RIMKLB: variants seen among roughly 807,000 people sequenced by gnomAD.
The protein encoded by RIMKLB is beta-citrylglutamate synthase B.
RIMKLB carries 7 observed loss-of-function variants against 32.0 expected under a neutral mutation model. The ratio of observed to expected loss-of-function variants is 0.22; its 90% CI spans 0.12 to 0.41. The LOEUF (loss-of-function observed/expected upper bound fraction) is 0.41. Ranked by LOEUF, RIMKLB falls within the 10% of genes least tolerant of loss-of-function variation. The pLI is 1.00. For missense variants in RIMKLB, 289 were observed against 498.7 expected, an observed-to-expected ratio of 0.58 and a Z score of 4.00; for synonymous variants, 172 against 185.1, an observed-to-expected ratio of 0.93 and a Z score of 0.57.
chr12:8,715,308 T>TCTG (rs1288035172), intron 2 of RIMKLB, among the ~76,000 whole-genome samples: 1 of 146,500 alleles, frequency 6.8e-6, no homozygotes, highest in Non-Finnish European at 1.5e-5. Context: ...CACTGCAACC[T>TCTG]CTGCCTCCCA....
chr12:8,673,722 A>C, the RIMKLB span, among the ~76,000 whole-genome samples: 1 of 151,684 alleles, frequency 6.6e-6, no homozygotes, highest in South Asian at 2.1e-4. Context: ...TAGCCTCCCC[A>C]GTAGCTGGGA....
the RIMKLB span, among the ~76,000 whole-genome samples, chr12:8,671,117 G>A: frequency 6.6e-6 from 1 of 152,056 alleles, no homozygotes; most frequent in African/African-American, 2.4e-5. Flanking sequence ...GTGATGGGAG[G>A]GGCTGCCATG....
chr12:8,756,153 CAAA>C (rs1233371130), intron 5 of RIMKLB, among the ~76,000 whole-genome samples: 5 of 114,194 alleles, frequency 4.4e-5, no homozygotes, highest in African/African-American at 6.3e-5. Flanking sequence ...GACTCTGCCT[CAAA>C]AAAAAAAAAA....
At chr12:8,709,983 G>A (rs1223620657) in intron 1 of RIMKLB, among the ~76,000 whole-genome samples, 2 of 152,016 alleles carry the variant, frequency 1.3e-5, no homozygotes, top group Non-Finnish European at 2.9e-5. Context: ...GTAGAAAAAT[G>A]TGGTTTTTGT....
At chr12:8,710,047 C>T (rs765288115) in intron 1 of RIMKLB, among the ~76,000 whole-genome samples, 2 of 151,982 alleles carry the variant, frequency 1.3e-5, no homozygotes, top group African/African-American at 2.4e-5. Context: ...AGTCCAGTGG[C>T]ATCATCTGGG....
At chr12:8,723,563 CAAT>C (rs1412361528) in intron 2 of RIMKLB, among the ~76,000 whole-genome samples, 3 of 152,194 alleles carry the variant, frequency 2.0e-5, no homozygotes, top group East Asian at 1.9e-4. Context: ...GTAAAAAACA[CAAT>C]AACTGCAAAA....
At chr12:8,736,084 A>G (rs565312684) in intron 2 of RIMKLB, among the ~76,000 whole-genome samples, 8 of 152,114 alleles carry the variant, frequency 5.3e-5, no homozygotes, top group African/African-American at 1.4e-4. Context: ...AAGTTAACCA[A>G]TTTTGTTACA....
At chr12:8,714,807 AC>A (rs1453730814) in intron 2 of RIMKLB, among the ~76,000 whole-genome samples, 1 of 152,134 alleles carries the variant, frequency 6.6e-6, no homozygotes, top group East Asian at 1.9e-4. Context: ...ATATAAATGG[AC>A]TTTTTGACTG....
chr12:8,738,966 A>G (rs1330296812), intron 2 of RIMKLB, among the ~76,000 whole-genome samples: 5 of 152,344 alleles, frequency 3.3e-5, no homozygotes, highest in East Asian at 1.9e-4. Flanking sequence ...TTAGAGATCT[A>G]CCATACAGCT....
At chr12:8,695,376 T>G (rs1942857392), upstream of RIMKLB, among the ~76,000 whole-genome samples, 1 of 152,326 alleles carries the variant, frequency 6.6e-6, no homozygotes, top group Non-Finnish European at 1.5e-5. Flanking sequence ...CCATGAATTC[T>G]CAAAGATTAT....
In RIMKLB at chr12:8,777,124, A is replaced by G; in HGVS notation, c.*3340A>G. ...TTTATTTGTTTGTTTGTTCAATTTTATTTAAGATTTGTTTTTGTTGTACTA... is the reference window on the plus strand; with the variant it reads ...TTTATTTGTTTGTTTGTTCAATTTTGTTTAAGATTTGTTTTTGTTGTACTA... On this transcript the variant is annotated 3_prime_UTR_variant, in exon 6 of 6. Transcript: ENST00000535829. 2.0e-6 allele frequency: 2 copies of G among 979,532 alleles called. No homozygotes were observed. The highest frequency in any genetic ancestry group is 9.5e-5 in the South Asian group (2 of 21,118). 60.7% of individuals were successfully genotyped at this position (979,532 alleles called of 1,614,324 possible). A position where few individuals can be genotyped will look rare whatever the true frequency, so the allele number is the denominator to read the frequency against.
upstream of RIMKLB, among the ~76,000 whole-genome samples, chr12:8,678,597 G>C (rs1260175002): frequency 6.6e-6 from 1 of 152,190 alleles, no homozygotes; most frequent in Admixed American, 6.5e-5. Flanking sequence ...CAAAGTGCTG[G>C]GATTACAGGC....
intron 5 of RIMKLB, among the ~76,000 whole-genome samples, chr12:8,766,793 A>G (rs1333607925): frequency 6.6e-6 from 1 of 152,198 alleles, no homozygotes; most frequent in African/African-American, 2.4e-5. Flanking sequence ...GGTTAAGGGA[A>G]TTTTCAGTGG....
At chr12:8,669,210 C>G in the RIMKLB span, among the ~76,000 whole-genome samples, 1 of 151,962 alleles carries the variant, frequency 6.6e-6, no homozygotes, top group African/African-American at 2.4e-5. Flanking sequence ...AGGAAGGAAG[C>G]AAGAGAGAGG....
chr12:8,773,840 T>A lies in RIMKLB; in HGVS notation c.*56T>A. 1 of 1,540,518 alleles carries A rather than the reference T, an allele frequency of 6.5e-7. No homozygotes were observed. ...GTAAAACTTTCTTTCTTCTTTTCTA[T>A]TTTTAAAACCAACTTGCAATGCTGT... On this transcript the variant is annotated 3_prime_UTR_variant, in exon 6 of 6. Transcript: ENST00000535829.
intron 5 of RIMKLB, among the ~76,000 whole-genome samples, chr12:8,772,909 G>C (rs151206081): frequency 3.3e-5 from 5 of 152,310 alleles, no homozygotes; most frequent in African/African-American, 4.8e-5. Context: ...GGGGGCTATA[G>C]AGGAAGAAAA....
chr12:8,687,614 A>AG (rs1942613583), intron 1 of RIMKLB, among the ~76,000 whole-genome samples: 1 of 152,064 alleles, frequency 6.6e-6, no homozygotes, highest in African/African-American at 2.4e-5. Flanking sequence ...AATTTCTACC[A>AG]GGGCTCCCCT....
At chr12:8,713,692 A>C in intron 1 of RIMKLB, 119 bp from the exon 2 acceptor site, 10 of 618,826 alleles carry the variant, frequency 1.6e-5, no homozygotes, top group Non-Finnish European at 2.2e-5. Context: ...CAATATCTCT[A>C]CACGTGTTTT....
At chr12:8,756,746 C>T (rs913812744) in intron 5 of RIMKLB, among the ~76,000 whole-genome samples, 9 of 123,798 alleles carry the variant, frequency 7.3e-5, no homozygotes, top group African/African-American at 2.2e-4. Flanking sequence ...GGCTGAAGTA[C>T]GGTGGTGTGA....
Sources: gnomAD v4.1 joint callset for allele counts (sites outside exome capture counted in the v4.1 genomes callset) on GRCh38, gnomAD v4.1.1 for gene constraint, MANE v1.5 for transcripts, NCBI Gene and HGNC (gene_info 2026-07-23, HGNC 2026-07-21) for gene names.